Variants in MGST3 observed in about 807,000 individuals in gnomAD.
MGST3 encodes the protein glutathione S-transferase 3, mitochondrial.
In MGST3, 13 loss-of-function variants were observed where a neutral mutation model predicts 15.8. That is an observed-to-expected ratio of 0.82 (90% confidence interval 0.54 to 1.31). The LOEUF (loss-of-function observed/expected upper bound fraction) is 1.31, where lower values mean the gene tolerates loss of function less well. Among genes scored for constraint, MGST3 ranks in the 50% most tolerant of loss-of-function variants. The pLI, the probability that MGST3 is intolerant of heterozygous loss-of-function variation, is 0.00. For missense variants in MGST3, 155 were observed against 192.4 expected, an observed-to-expected ratio of 0.81 and a Z score of 1.15; for synonymous variants, 49 against 68.1, an observed-to-expected ratio of 0.72 and a Z score of 1.38.
intron 1 of MGST3, among the ~76,000 whole-genome samples, chr1:165,642,354 G>A (rs1468933931): frequency 3.9e-5 from 6 of 152,176 alleles, no homozygotes; most frequent in Admixed American, 6.5e-5. Flanking sequence ...TGCAGCTTCC[G>A]GATGTCCATA....
At chr1:165,632,266 G>T in intron 1 of MGST3, 1 of 1,612,682 alleles carries the variant, frequency 6.2e-7, no homozygotes, top group Non-Finnish European at 8.5e-7. Flanking sequence ...GGCGCTTCCG[G>T]CTCTGCAGGT....
chr1:165,649,383 A>C (rs1162593637), intron 1 of MGST3: 2,204 of 71,118 alleles, frequency 0.031, no homozygotes, highest in Admixed American at 0.036. Flanking sequence ...CTCCCTCCCC[A>C]CTCCCTCTCT....
At chr1:165,641,393 T>G (rs1322815296) in intron 1 of MGST3, among the ~76,000 whole-genome samples, 1 of 152,222 alleles carries the variant, frequency 6.6e-6, no homozygotes, top group East Asian at 1.9e-4. Context: ...TTTGATTCAT[T>G]ATGCTGTCTA....
rs80270880 is a variant in MGST3 at position 165,638,630 on chromosome 1, A to G, written c.-8+7337A>G. On this transcript the variant is annotated intron_variant, in intron 1 of 5. Coordinates refer to ENST00000367889, the MANE Select transcript of MGST3 (RefSeq NM_004528.4). ...GAAACCCTGTCTCTACTAAAATACA[A>G]CAATTAGCTGGGCATGGTGGTGCAT... 9.8e-3 allele frequency among the ~76,000 whole-genome samples: 1,488 copies of G among 152,234 alleles called. 51 individuals carry two copies. The highest frequency in any genetic ancestry group is 0.059 in the Admixed American group (902 of 15,298).
intron 1 of MGST3, among the ~76,000 whole-genome samples, chr1:165,638,890 A>G (rs1648191066): frequency 6.6e-6 from 1 of 152,190 alleles, no homozygotes; most frequent in Admixed American, 6.5e-5. Flanking sequence ...TAACATATTT[A>G]AAGGAGAGAG....
intron 1 of MGST3, among the ~76,000 whole-genome samples, chr1:165,640,999 G>A (rs1571149996): frequency 2.0e-5 from 3 of 151,986 alleles, no homozygotes; most frequent in South Asian, 4.1e-4. Flanking sequence ...CCTGGCCTAC[G>A]TGGTGAAACC....
intron 1 of MGST3, among the ~76,000 whole-genome samples, chr1:165,643,575 A>T (rs1471390667): frequency 1.3e-5 from 2 of 151,256 alleles, no homozygotes; most frequent in Admixed American, 1.3e-4. Flanking sequence ...AAAAGAAAAA[A>T]TATACATAGG....
At chr1:165,633,084 G>T (rs923502041) in intron 1 of MGST3, among the ~76,000 whole-genome samples, 7 of 152,184 alleles carry the variant, frequency 4.6e-5, no homozygotes, top group African/African-American at 1.7e-4. Flanking sequence ...TTGTTTCGAA[G>T]AATATACTGC....
At chr1:165,641,587 C>T (rs908203583) in intron 1 of MGST3, among the ~76,000 whole-genome samples, 7 of 152,220 alleles carry the variant, frequency 4.6e-5, no homozygotes, top group African/African-American at 1.7e-4. Flanking sequence ...TTTATTTCTT[C>T]ATATTTGGAC....
intron 1 of MGST3, chr1:165,649,480 A>G (rs9333464): frequency 0.15 from 34,198 of 235,740 alleles, 2,891 homozygotes; most frequent in Non-Finnish European, 0.17. Flanking sequence ...TTAGCATTTT[A>G]CCATGTTAAA....
chr1:165,652,089 ATCAG>A, intron 4 of MGST3, 54 bp downstream of exon 4: 1 of 771,374 alleles, frequency 1.3e-6, no homozygotes, highest in African/African-American at 2.5e-5. Flanking sequence ...CTGAGCTATT[ATCAG>A]GGACAGAAGA....
chr1:165,640,532 A>G lies in MGST3; in HGVS notation c.-8+9239A>G, dbSNP rs149290618. Reference sequence around the variant, plus strand: ...TCTTAAAATGTGGTCCTTGACCAACATCATCAGCATTACCTAGGAACTAGT... The same window carrying G: ...TCTTAAAATGTGGTCCTTGACCAACGTCATCAGCATTACCTAGGAACTAGT... On this transcript the variant is annotated intron_variant, in intron 1 of 5. Coordinates refer to ENST00000367889, the MANE Select transcript of MGST3 (RefSeq NM_004528.4). Among the ~76,000 whole-genome samples, 381 of 152,250 alleles carry G rather than the reference A, an allele frequency of 2.5e-3. 1 individual carries two copies. The highest frequency in any genetic ancestry group is 0.017 in the Middle Eastern group (5 of 294).
chr1:165,654,245 T>C (rs776537669), intron 4 of MGST3, 34 bp from the exon 5 acceptor site: 1 of 1,603,426 alleles, frequency 6.2e-7, no homozygotes. Flanking sequence ...CTTGTTTCTT[T>C]CATGCAAATA....
chr1:165,634,233 G>A (rs1283228132), intron 1 of MGST3, among the ~76,000 whole-genome samples: 1 of 152,134 alleles, frequency 6.6e-6, no homozygotes, highest in Non-Finnish European at 1.5e-5. Context: ...AAAAGGCTGA[G>A]AGCACAAACT....
chr1:165,655,014 C>T (rs183975495), intron 5 of MGST3, among the ~76,000 whole-genome samples: 362 of 152,236 alleles, frequency 2.4e-3, no homozygotes, highest in Non-Finnish European at 2.8e-3. Flanking sequence ...CCATGCAGTC[C>T]GACTCCAGAG....
At position 165,638,104 on chromosome 1, in the gene MGST3, A is replaced by T. The variant is rs555930565; in HGVS notation, c.-8+6811A>T. ...CTAGTTTTCTTCCCCTAACTTGATA[A>T]TGTACTCCAAAACAATCATGTTTGG... On this transcript the variant is annotated intron_variant, in intron 1 of 5. Coordinates refer to ENST00000367889, the MANE Select transcript of MGST3 (RefSeq NM_004528.4). Among the ~76,000 whole-genome samples, 5 of 152,278 alleles carry T rather than the reference A, an allele frequency of 3.3e-5. No homozygotes were observed. The South Asian group carries it at 1.0e-3, about 32-fold the overall frequency.
chr1:165,652,837 G>A (rs1378531886), intron 4 of MGST3, among the ~76,000 whole-genome samples: 6 of 152,224 alleles, frequency 3.9e-5, no homozygotes, highest in Non-Finnish European at 8.8e-5. Flanking sequence ...AGATAGCCCT[G>A]TGGGATGGAG....
intron 4 of MGST3, among the ~76,000 whole-genome samples, chr1:165,652,805 G>A (rs76735749): frequency 0.037 from 5,667 of 152,268 alleles, 330 homozygotes; most frequent in African/African-American, 0.12. Context: ...GGTCACTGGG[G>A]ACTTGCAGGC....
At chr1:165,645,548 A>G (rs913750937) in intron 1 of MGST3, 12 of 152,210 alleles carry the variant, frequency 7.9e-5, no homozygotes, top group African/African-American at 2.9e-4. Flanking sequence ...ATAAACCAGT[A>G]ACTGTCACTT....
Sources: allele counts gnomAD v4.1 joint callset (sites outside exome capture counted in the v4.1 genomes callset), GRCh38; gene constraint gnomAD v4.1.1; transcripts MANE v1.5; gene names NCBI Gene and HGNC (gene_info 2026-07-23, HGNC 2026-07-21).